The following ADAMTS2 variants were observed in gnomAD, a reference collection of about 807,000 sequenced individuals.
ADAMTS2 encodes A disintegrin and metalloproteinase with thrombospondin motifs 2.
A neutral mutation model predicts 123.0 loss-of-function variants in ADAMTS2; 50 were observed. The observed-to-expected ratio is 0.41, with a 90% CI of 0.32 to 0.51. The LOEUF is 0.51. Ranked by LOEUF, ADAMTS2 falls within the 20% of genes least tolerant of loss-of-function variation. The probability of loss-of-function intolerance (pLI) is 0.35; values close to 1 mark genes in which losing one functional copy is unlikely to be tolerated. For synonymous variants in ADAMTS2, 678 were observed against 695.4 expected, an observed-to-expected ratio of 0.98 and a Z score of 0.39; for missense variants, 1,494 against 1,705.2, an observed-to-expected ratio of 0.88 and a Z score of 2.18.
chr5:179,301,276 A>C (rs1013224346), intron 2 of ADAMTS2, among the ~76,000 whole-genome samples: 6 of 152,168 alleles, frequency 3.9e-5, no homozygotes, highest in Non-Finnish European at 8.8e-5. Flanking sequence ...CTTTAGACTT[A>C]AATCCCCACT....
intron 2 of ADAMTS2, among the ~76,000 whole-genome samples, chr5:179,304,848 A>C (rs1390477011): frequency 6.6e-6 from 1 of 152,188 alleles, no homozygotes; most frequent in East Asian, 1.9e-4. Context: ...AATTCAACAG[A>C]TCGGCAAACC....
At chr5:179,329,468 C>T (rs1445406733) in intron 2 of ADAMTS2, among the ~76,000 whole-genome samples, 1 of 151,880 alleles carries the variant, frequency 6.6e-6, no homozygotes, top group African/African-American at 2.4e-5. Context: ...GTTGAGACAA[C>T]AGCATGGCAA....
chr5:179,174,670 T>C (rs555725105), intron 5 of ADAMTS2, among the ~76,000 whole-genome samples: 1 of 152,386 alleles, frequency 6.6e-6, no homozygotes, highest in East Asian at 1.9e-4. Flanking sequence ...GAACTGTCTA[T>C]GAAAGTTTAT....
chr5:179,270,622 C>T (rs1766505028), intron 3 of ADAMTS2, among the ~76,000 whole-genome samples: 1 of 152,210 alleles, frequency 6.6e-6, no homozygotes, highest in South Asian at 2.1e-4. Flanking sequence ...TTTTATGTAT[C>T]TCCCAGTTGC....
At chr5:179,343,256 A>G (rs1192724568) in intron 2 of ADAMTS2, among the ~76,000 whole-genome samples, 1 of 152,170 alleles carries the variant, frequency 6.6e-6, no homozygotes, top group Non-Finnish European at 1.5e-5. Flanking sequence ...CCACACACAT[A>G]TCACGCCAGT....
rs369481396 is a variant in ADAMTS2 at position 179,158,674 on chromosome 5, G to A, written c.1132+49C>T. ...CCCGGGGCCCCTTGCATGGCCAGGG[G>A]CTCATTTCCAGCTTCACGCCTCTGT... is the stretch of plus-strand genomic sequence containing the variant. On this transcript the variant is annotated intron_variant, in intron 6 of 21. Coordinates refer to ENST00000251582, the MANE Select transcript of ADAMTS2 (RefSeq NM_014244.5). The surrounding 1 kb of genome is among the most constrained non-coding windows in gnomAD (Gnocchi z 5.0). The A allele has an allele frequency of 6.8e-6, 11 of 1,613,134 alleles. No individual in the cohort carries two copies. Among genetic ancestry groups the A allele is most frequent in the Admixed American group, 3.3e-5 (2 of 60,024 alleles).
rs1764583774 is a variant in ADAMTS2, at chr5:179,202,214, C to T, written c.891+5299G>A. 6.6e-6 allele frequency among the ~76,000 whole-genome samples: 1 copy of T among 152,152 alleles called. No homozygotes were observed. The highest frequency in any genetic ancestry group is 1.5e-5 in the Non-Finnish European group (1 of 68,032). Reference sequence around the variant, plus strand: ...CCCCGACTTCCCCTACCTGTGCCCCCTGCTTGACAGGCCAGGCTGCCTCCA... The same window carrying T: ...CCCCGACTTCCCCTACCTGTGCCCCTTGCTTGACAGGCCAGGCTGCCTCCA... On this transcript the variant is annotated intron_variant, in intron 4 of 21. Transcript: ENST00000251582. This position sits in a 1 kb window ranked among gnomAD's most constrained non-coding sequence, Gnocchi z 4.0.
chr5:179,114,380 C>A, intron 21 of ADAMTS2, 56 bp from the exon 22 acceptor site: 1 of 1,545,444 alleles, frequency 6.5e-7, no homozygotes. Context: ...GGACTTTGTT[C>A]CCCCACAGGG....
intron 2 of ADAMTS2, among the ~76,000 whole-genome samples, chr5:179,290,109 TC>T (rs1561693527): frequency 6.6e-6 from 1 of 152,110 alleles, no homozygotes; most frequent in Admixed American, 6.5e-5. Context: ...TGACATTTGG[TC>T]CCCAGTGTGG....
chr5:179,211,857 C>A (rs1051103780), intron 3 of ADAMTS2, among the ~76,000 whole-genome samples: 2 of 152,180 alleles, frequency 1.3e-5, no homozygotes, highest in Non-Finnish European at 2.9e-5. Context: ...CAGCTCCATA[C>A]CCCCAGCAGC....
chr5:179,275,744 G>A (rs913943426), intron 2 of ADAMTS2, among the ~76,000 whole-genome samples: 1 of 152,258 alleles, frequency 6.6e-6, no homozygotes. Flanking sequence ...CCCTGCCGAT[G>A]CCTGGATTTG....
At chr5:179,280,394 C>T (rs1369215752) in intron 2 of ADAMTS2, among the ~76,000 whole-genome samples, 2 of 152,194 alleles carry the variant, frequency 1.3e-5, no homozygotes, top group Admixed American at 6.5e-5. Flanking sequence ...CCCTTGCAGG[C>T]CCCCAGTTCC....
chr5:179,133,014 C>T (rs534251956), intron 13 of ADAMTS2, 114 bp from the exon 14 acceptor site: 2 of 1,420,718 alleles, frequency 1.4e-6, no homozygotes, highest in African/African-American at 2.8e-5. Context: ...CTGCCTTGGC[C>T]TCCCAAAGCA....
At chr5:179,121,861 C>T (rs1024317402) in intron 20 of ADAMTS2, 111 bp from the exon 21 acceptor site, 1 of 680,746 alleles carries the variant, frequency 1.5e-6, no homozygotes, top group Non-Finnish European at 2.4e-6. Flanking sequence ...ATTCAAGGCC[C>T]TCGCCTCCCC....
At position 179,256,506 on chromosome 5, in the gene ADAMTS2, G is replaced by A. The variant is rs1766055443; in HGVS notation, c.688+16405C>T. 6.7e-6 allele frequency among the ~76,000 whole-genome samples: 1 copy of A among 148,434 alleles called. No homozygotes were observed. On this transcript the variant is annotated intron_variant, in intron 3 of 21. Coordinates refer to ENST00000251582, the MANE Select transcript of ADAMTS2 (RefSeq NM_014244.5). The surrounding 1 kb of genome is among the most constrained non-coding windows in gnomAD (Gnocchi z 4.1). The stretch of plus-strand genomic sequence containing the variant: ...GTGGATGTGTCTGCTCTGACCATGG[G>A]TGTGTGCATGCCTGCGTGTGTGTGA...
chr5:179,208,192 T>TG (rs1764763674), intron 3 of ADAMTS2, among the ~76,000 whole-genome samples: 1 of 42,000 alleles, frequency 2.4e-5, no homozygotes, highest in African/African-American at 1.8e-4. Flanking sequence ...CCACCTCTTC[T>TG]CCCCCGAAGG....
rs78030001 is a variant in ADAMTS2 at position 179,225,433 on chromosome 5, A to G, written c.689-17718T>C. Among the ~76,000 whole-genome samples, 1 of 152,332 alleles carries G rather than the reference A, an allele frequency of 6.6e-6. No individual in the cohort carries two copies. The highest frequency in any genetic ancestry group is 2.4e-5 in the African/African-American group (1 of 41,576). ...TCCACCCTCACGGACCTATGTGAGG[A>G]CAGGCACTCTTGCCTTTGTGCCCAA... On this transcript the variant is annotated intron_variant, in intron 3 of 21. Coordinates refer to ENST00000251582, the MANE Select transcript of ADAMTS2 (RefSeq NM_014244.5). The surrounding 1 kb of genome is among the most constrained non-coding windows in gnomAD (Gnocchi z 4.5).
At chr5:179,240,435 TGA>T (rs1765637282) in intron 3 of ADAMTS2, among the ~76,000 whole-genome samples, 1 of 152,034 alleles carries the variant, frequency 6.6e-6, no homozygotes, top group South Asian at 2.1e-4. Context: ...ATCAGTGGTG[TGA>T]GAGACCGTGA....
In ADAMTS2 at chr5:179,117,234, G is replaced by A. The variant is rs1762672534; in HGVS notation, c.3179-2910C>T. ...AGGGGGTTCTGGATAAGAGCTGATGGTGGCCTCCCTTCTCCCTACCCCATA... is the reference window on the plus strand; with the variant it reads ...AGGGGGTTCTGGATAAGAGCTGATGATGGCCTCCCTTCTCCCTACCCCATA... On this transcript the variant is annotated intron_variant, in intron 21 of 21. Coordinates refer to ENST00000251582, the MANE Select transcript of ADAMTS2 (RefSeq NM_014244.5). This position sits in a 1 kb window ranked among gnomAD's most constrained non-coding sequence, Gnocchi z 4.2. Among the ~76,000 whole-genome samples, 1 of 152,154 alleles carries A rather than the reference G, an allele frequency of 6.6e-6. No homozygotes were observed. Among genetic ancestry groups the A allele is most frequent in the South Asian group, 2.1e-4 (1 of 4,826 alleles).
Sources: gnomAD v4.1 joint callset for allele counts (sites outside exome capture counted in the v4.1 genomes callset) on GRCh38, gnomAD v4.1.1 for gene constraint, Gnocchi (gnomAD v3.1) non-coding constraint, MANE v1.5 for transcripts, NCBI Gene and HGNC (gene_info 2026-07-23, HGNC 2026-07-21) for gene names.